The following DCDC1 variants were observed in gnomAD, a reference collection of about 807,000 sequenced individuals.
The protein encoded by DCDC1 is doublecortin domain containing 1, also known as doublecortin domain-containing protein 1.
A neutral mutation model predicts 178.3 loss-of-function variants in DCDC1; 200 were observed. The observed-to-expected ratio is 1.12, with a 90% CI of 1.00 to 1.26. The LOEUF is 1.26. Among genes scored for constraint, DCDC1 ranks in the 50% most tolerant of loss-of-function variants. The pLI, the probability that DCDC1 is intolerant of heterozygous loss-of-function variation, is 0.00. For synonymous variants in DCDC1, 690 were observed against 604.8 expected, an observed-to-expected ratio of 1.14 and a Z score of -2.07; for missense variants, 1,983 against 1,749.2, an observed-to-expected ratio of 1.13 and a Z score of -2.38.
chr11:31,089,142 G>A (rs1957649082), intron 17 of DCDC1, among the ~76,000 whole-genome samples: 1 of 152,120 alleles, frequency 6.6e-6, no homozygotes, highest in Admixed American at 6.6e-5. Flanking sequence ...TTCAGTTTGT[G>A]AATATCTTAA....
intron 9 of DCDC1, among the ~76,000 whole-genome samples, chr11:31,140,171 A>C (rs1334590372): frequency 6.6e-6 from 1 of 152,180 alleles, no homozygotes; most frequent in Non-Finnish European, 1.5e-5. Context: ...CATTAAAATA[A>C]AACTATATGC....
Position 31,311,366 on chromosome 11 carries a change from T to C in DCDC1, c.165-3458A>G, listed in dbSNP as rs976320163. On this transcript the variant is annotated intron_variant, in intron 3 of 38. Coordinates refer to ENST00000684477, the MANE Select transcript of DCDC1 (RefSeq NM_001387274.1). ...GCCTTCCAAACAGGGAAAATATAAT[T>C]GGGTGGGGACTTGCATGGCCTGTCT... 2.0e-5 allele frequency among the ~76,000 whole-genome samples: 3 copies of C among 152,006 alleles called. No individual in the cohort carries two copies. The South Asian group carries it at 6.2e-4, about 32-fold the overall frequency.
intron 11 of DCDC1, 51 bp downstream of exon 11, chr11:31,127,418 G>T (rs1961795221): frequency 1.5e-6 from 1 of 666,762 alleles, no homozygotes; most frequent in South Asian, 1.6e-5. Context: ...AAATGGAGCA[G>T]AATGCTTCTG....
intron 9 of DCDC1, among the ~76,000 whole-genome samples, chr11:31,222,378 T>C (rs1183156079): frequency 1.3e-5 from 2 of 152,172 alleles, no homozygotes. Context: ...TAGTTTCTAA[T>C]AACATCTTGC....
At chr11:31,077,404 A>T (rs1221146891) in intron 18 of DCDC1, among the ~76,000 whole-genome samples, 1 of 152,164 alleles carries the variant, frequency 6.6e-6, no homozygotes, top group East Asian at 1.9e-4. Flanking sequence ...CATTTGAGTA[A>T]TCATAACTCT....
rs756859102 is a variant in DCDC1 at position 30,952,499 on chromosome 11, T to C, written c.2661A>G (p.Leu887=). The change falls in exon 21 of 39, where the codon CTA becomes CTG. Residue 887 remains leucine, a synonymous_variant. Coordinates refer to ENST00000684477, the MANE Select transcript of DCDC1 (RefSeq NM_001387274.1). ...GCCACATGTAGGTAAGCTTGTTCCA[T>C]AGAGGATTTTCAACTCTAGAATGTT... ...QWKHSRVENP[L]WNKLTYMWPV... is the part of the protein sequence containing the mutation. 5.0e-6 allele frequency: 8 copies of C among 1,588,348 alleles called. No individual in the cohort carries two copies. Among genetic ancestry groups the C allele is most frequent in the East Asian group, 4.5e-5 (2 of 44,744 alleles).
chr11:31,068,738 A>G lies in DCDC1; in HGVS notation c.2299-3585T>C, dbSNP rs192130153. ...ATTATTTAAATGAGAATCATTTTAT[A>G]CATGCAAATATATGCATAATAATTT... On this transcript the variant is annotated intron_variant, in intron 18 of 38. Transcript: ENST00000684477. 3.9e-3 allele frequency among the ~76,000 whole-genome samples: 601 copies of G among 152,338 alleles called. 4 individuals carry two copies. The highest frequency in any genetic ancestry group is 6.6e-3 in the Non-Finnish European group (448 of 68,026).
chr11:30,945,129 C>T (rs548090433), intron 21 of DCDC1, among the ~76,000 whole-genome samples: 141 of 151,400 alleles, frequency 9.3e-4, no homozygotes, highest in Non-Finnish European at 1.6e-3. Flanking sequence ...CCACCATGCC[C>T]GGCAAATTTT....
intron 3 of DCDC1, among the ~76,000 whole-genome samples, chr11:31,326,868 C>T (rs1412282632): frequency 2.0e-5 from 3 of 152,122 alleles, no homozygotes; most frequent in African/African-American, 4.8e-5. Flanking sequence ...TTCTATTTAA[C>T]ATAAAGACTA....
At chr11:31,025,631 C>T (rs191100321) in intron 20 of DCDC1, among the ~76,000 whole-genome samples, 9 of 151,912 alleles carry the variant, frequency 5.9e-5, no homozygotes, top group Admixed American at 5.3e-4. Flanking sequence ...ATCTTCATGA[C>T]TGCTCTCATT....
At chr11:31,021,424 A>C (rs543625240) in intron 20 of DCDC1, among the ~76,000 whole-genome samples, 2 of 152,340 alleles carry the variant, frequency 1.3e-5, no homozygotes, top group Admixed American at 6.5e-5. Context: ...CATTTTGTGT[A>C]CTGATACAGA....
chr11:30,961,376 T>A (rs1397748260), intron 20 of DCDC1, among the ~76,000 whole-genome samples: 2 of 152,224 alleles, frequency 1.3e-5, no homozygotes, highest in South Asian at 2.1e-4. Context: ...AGACAATATA[T>A]CATTTGGATC....
intron 8 of DCDC1, among the ~76,000 whole-genome samples, chr11:31,252,454 G>A (rs1304391384): frequency 6.6e-6 from 1 of 152,122 alleles, no homozygotes; most frequent in Non-Finnish European, 1.5e-5. Context: ...TTCATTGGCT[G>A]CAAGTTCAAT....
At chr11:31,081,622 A>T (rs1177998704) in intron 17 of DCDC1, among the ~76,000 whole-genome samples, 1 of 152,116 alleles carries the variant, frequency 6.6e-6, no homozygotes, top group Non-Finnish European at 1.5e-5. Flanking sequence ...AAAAAAAAAG[A>T]AAAGAAAAGA....
At chr11:31,180,576 C>G (rs927431921) in intron 9 of DCDC1, among the ~76,000 whole-genome samples, 1 of 152,110 alleles carries the variant, frequency 6.6e-6, no homozygotes, top group African/African-American at 2.4e-5. Context: ...TGGGGCATTG[C>G]CTCAGCCGGG....
intron 1 of DCDC1, among the ~76,000 whole-genome samples, chr11:31,339,844 CTG>C (rs1950454512): frequency 6.6e-6 from 1 of 152,056 alleles, no homozygotes; most frequent in Non-Finnish European, 1.5e-5. Flanking sequence ...ATCATCCAAA[CTG>C]GGCCTGTCTC....
intron 1 of DCDC1, among the ~76,000 whole-genome samples, chr11:31,347,314 C>T (rs1028140119): frequency 6.6e-6 from 1 of 152,170 alleles, no homozygotes; most frequent in Non-Finnish European, 1.5e-5. Flanking sequence ...CATAATTTAA[C>T]ACTCCTTTCG....
intron 6 of DCDC1, among the ~76,000 whole-genome samples, chr11:31,297,330 T>C (rs750318507): frequency 6.6e-6 from 1 of 151,704 alleles, no homozygotes; most frequent in South Asian, 2.1e-4. Context: ...TGAATCTACT[T>C]TGAATTTCTA....
At chr11:30,930,800 A>C (rs1946875219) in intron 22 of DCDC1, among the ~76,000 whole-genome samples, 1 of 152,196 alleles carries the variant, frequency 6.6e-6, no homozygotes, top group Non-Finnish European at 1.5e-5. Context: ...GTCATACACT[A>C]CTTTAAGGAC....
Sources: gnomAD v4.1 joint callset for allele counts (sites outside exome capture counted in the v4.1 genomes callset) on GRCh38, gnomAD v4.1.1 for gene constraint, MANE v1.5 for transcripts, NCBI Gene and HGNC (gene_info 2026-07-23, HGNC 2026-07-21) for gene names.